The following PCCA variants were observed in gnomAD, a reference collection of about 807,000 sequenced individuals.
PCCA encodes the protein propionyl-CoA carboxylase subunit alpha, also known as propionyl-CoA carboxylase alpha chain, mitochondrial.
In PCCA, 74 loss-of-function variants were observed where a neutral mutation model predicts 101.3. The observed-to-expected ratio is 0.73, with a 90% CI of 0.61 to 0.89. The LOEUF (loss-of-function observed/expected upper bound fraction) is 0.89, where lower values mean the gene tolerates loss of function less well. Ranked by LOEUF, PCCA falls within the 40% of genes least tolerant of loss-of-function variation. The pLI is 0.00. For missense variants in PCCA, 891 were observed against 907.0 expected, an observed-to-expected ratio of 0.98 and a Z score of 0.23; for synonymous variants, 294 against 313.6, an observed-to-expected ratio of 0.94 and a Z score of 0.66.
chr13:100,144,298 T>C (rs2052269565), intron 4 of PCCA, among the ~76,000 whole-genome samples: 1 of 152,192 alleles, frequency 6.6e-6, no homozygotes, highest in Non-Finnish European at 1.5e-5. Flanking sequence ...CTGTCCTGTC[T>C]TTTGGGATCC....
Position 100,391,294 on chromosome 13 carries a change from G to A in PCCA, c.1746+22720G>A, listed in dbSNP as rs529075545. ...GCCTCTGTTCCATTTTTATATGAAA[G>A]GACAAAGGAGCGGGTGGAGATGAAG... On this transcript the variant is annotated intron_variant, in intron 19 of 23. Transcript: ENST00000376285. Among the ~76,000 whole-genome samples the A allele has an allele frequency of 1.2e-4, 18 of 152,330 alleles. 1 individual carries two copies. The South Asian group carries it at 3.7e-3, about 32-fold the overall frequency.
intron 4 of PCCA, among the ~76,000 whole-genome samples, chr13:100,128,016 A>G (rs1250011892): frequency 6.6e-6 from 1 of 152,230 alleles, no homozygotes; most frequent in Non-Finnish European, 1.5e-5. Context: ...TAGTGGAGGG[A>G]AAGGACATGA....
chr13:100,203,165 T>G (rs2058634294), intron 6 of PCCA, among the ~76,000 whole-genome samples: 1 of 151,788 alleles, frequency 6.6e-6, no homozygotes, highest in Non-Finnish European at 1.5e-5. Context: ...TCCCAGCTAC[T>G]TGGGAGGCTG....
rs866331201 is a variant in PCCA, at chr13:100,275,058, G to A, written c.1065+1712G>A. On this transcript the variant is annotated intron_variant, in intron 12 of 23. Coordinates refer to ENST00000376285, the MANE Select transcript of PCCA (RefSeq NM_000282.4). ...CGTTAGGCCCTTGGGGGAGGGGGTG[G>A]GGGGGGAGGGGGTGTTGAGTCACTG... Among the ~76,000 whole-genome samples the A allele has an allele frequency of 7.9e-4, 119 of 150,656 alleles. 1 individual carries two copies. Among genetic ancestry groups the A allele is most frequent in the African/African-American group, 2.6e-3 (107 of 40,750 alleles).
intron 21 of PCCA, among the ~76,000 whole-genome samples, chr13:100,458,440 T>G (rs7991498): frequency 8.4e-6 from 1 of 118,838 alleles, no homozygotes; most frequent in East Asian, 2.6e-4. Flanking sequence ...CACACACACA[T>G]ACACACACAC....
intron 18 of PCCA, among the ~76,000 whole-genome samples, chr13:100,350,797 C>G (rs1005357294): frequency 6.6e-6 from 1 of 152,190 alleles, no homozygotes; most frequent in African/African-American, 2.4e-5. Context: ...TATTTGGCAG[C>G]TGTTGCACCC....
chr13:100,528,088 C>T (rs2088004737), intron 23 of PCCA, among the ~76,000 whole-genome samples: 1 of 152,192 alleles, frequency 6.6e-6, no homozygotes, highest in Non-Finnish European at 1.5e-5. Flanking sequence ...ACTTAGGTGA[C>T]ACAGCAGCAA....
chr13:100,180,804 A>G (rs1339282647), intron 6 of PCCA, among the ~76,000 whole-genome samples: 1 of 152,236 alleles, frequency 6.6e-6, no homozygotes, highest in Non-Finnish European at 1.5e-5. Flanking sequence ...TTTGCACACA[A>G]ATACTCAAAT....
At chr13:100,302,119 A>G (rs192930793) in intron 13 of PCCA, among the ~76,000 whole-genome samples, 2 of 152,294 alleles carry the variant, frequency 1.3e-5, no homozygotes, top group African/African-American at 4.8e-5. Context: ...TTAGTAAAAC[A>G]TGTACTCTTA....
intron 18 of PCCA, among the ~76,000 whole-genome samples, chr13:100,356,985 C>G (rs567044540): frequency 6.6e-6 from 1 of 152,096 alleles, no homozygotes; most frequent in African/African-American, 2.4e-5. Flanking sequence ...ACAAATTTTC[C>G]CAGAATAAGC....
intron 7 of PCCA, among the ~76,000 whole-genome samples, chr13:100,223,584 T>C (rs1349744565): frequency 1.3e-5 from 2 of 152,136 alleles, no homozygotes; most frequent in Non-Finnish European, 2.9e-5. Flanking sequence ...CAAGATTTAT[T>C]GCAAAGAACT....
intron 12 of PCCA, among the ~76,000 whole-genome samples, chr13:100,298,743 C>T (rs976969380): frequency 2.3e-5 from 3 of 128,472 alleles, no homozygotes; most frequent in Non-Finnish European, 3.3e-5. Flanking sequence ...TCCTTCCTTC[C>T]GTCCTTCCTT....
chr13:100,515,439 A>G lies in PCCA; in HGVS notation c.1912A>G (p.Ile638Val), dbSNP rs1221960881. 1 of 1,614,166 alleles carries G rather than the reference A, an allele frequency of 6.2e-7. No individual in the cohort carries two copies. The highest frequency in any genetic ancestry group is 1.7e-5 in the Admixed American group (1 of 60,032). The change falls in exon 22 of 24, where the codon ATC (isoleucine) becomes GTC (valine). Residue 638 changes from isoleucine (I) to valine (V), a missense_variant. Physicochemically the swap from Ile to Val is conservative, Grantham distance 29 (BLOSUM62 3). Transcript: ENST00000376285. ...QFLGTVYKVN[I>V]LTRLAAELNK... is the part of the protein sequence containing the mutation. ...TTTTTCCCTTAAGTACAAGGTGAAT[A>G]TCTTAACCAGACTTGCCGCAGAATT...
At chr13:100,176,405 T>C (rs144846333) in intron 6 of PCCA, among the ~76,000 whole-genome samples, 30 of 152,352 alleles carry the variant, frequency 2.0e-4, no homozygotes, top group African/African-American at 6.7e-4. Flanking sequence ...ATGTTATAAT[T>C]CTTTATACAT....
intron 6 of PCCA, among the ~76,000 whole-genome samples, chr13:100,193,191 A>G (rs1048160392): frequency 1.3e-5 from 2 of 152,220 alleles, no homozygotes; most frequent in Non-Finnish European, 2.9e-5. Flanking sequence ...GCAGATTCAA[A>G]ACGCTGGTTT....
intron 6 of PCCA, among the ~76,000 whole-genome samples, chr13:100,174,874 CAT>C (rs1400713174): frequency 5.9e-5 from 9 of 151,658 alleles, no homozygotes; most frequent in African/African-American, 2.2e-4. Context: ...CACACAATAA[CAT>C]ATTAATTATA....
intron 6 of PCCA, among the ~76,000 whole-genome samples, chr13:100,195,179 A>C (rs913149554): frequency 6.6e-6 from 1 of 152,180 alleles, no homozygotes; most frequent in African/African-American, 2.4e-5. Context: ...ACTTCAAAAC[A>C]AATCCTTGTG....
intron 19 of PCCA, among the ~76,000 whole-genome samples, chr13:100,404,474 C>T (rs567029762): frequency 2.6e-5 from 4 of 152,078 alleles, no homozygotes; most frequent in East Asian, 1.9e-4. Flanking sequence ...GAAAAGAAGG[C>T]GTTTTTTTTC....
chr13:100,262,343 G>A (rs1366196533), intron 9 of PCCA, among the ~76,000 whole-genome samples: 3 of 151,870 alleles, frequency 2.0e-5, no homozygotes, highest in African/African-American at 7.3e-5. Context: ...GCAGTGAGCT[G>A]AGATCCTGCC....
Sources: allele counts gnomAD v4.1 joint callset (sites outside exome capture counted in the v4.1 genomes callset), GRCh38; gene constraint gnomAD v4.1.1; transcripts MANE v1.5; gene names NCBI Gene and HGNC (gene_info 2026-07-23, HGNC 2026-07-21).